ATP8B1: variants seen among roughly 807,000 people sequenced by gnomAD.
ATP8B1 encodes the protein ATPase phospholipid transporting 8B1, also known as phospholipid-transporting ATPase IC.
ATP8B1 carries 80 observed loss-of-function variants against 149.9 expected under a neutral mutation model. That is an observed-to-expected ratio of 0.53 (90% CI 0.45 to 0.64). ATP8B1 has a LOEUF of 0.64. Among genes scored for constraint, ATP8B1 ranks in the 30% least tolerant of loss-of-function variants. ATP8B1 has a pLI of 0.00. For missense variants in ATP8B1, 1,247 were observed against 1,552.6 expected (o/e 0.80, Z 3.31); for synonymous variants, 536 against 562.8 (o/e 0.95, Z 0.67).
chr18:57,782,803 C>CTTTGTTTTTTTTTTTT (rs2080369204), intron 1 of ATP8B1, among the ~76,000 whole-genome samples: 1 of 91,178 alleles, frequency 1.1e-5, no homozygotes, highest in Non-Finnish European at 1.9e-5. Flanking sequence ...TAGTTTGTCT[C>CTTTGTTTTTTTTTTTT]TTTTTTTTTT....
At chr18:57,718,546 A>C (rs1481315420) in intron 2 of ATP8B1, among the ~76,000 whole-genome samples, 1 of 152,224 alleles carries the variant, frequency 6.6e-6, no homozygotes, top group Non-Finnish European at 1.5e-5. Context: ...AGACAAAGAC[A>C]CATCAAAAAA....
At chr18:57,754,579 G>A (rs1393513353) in intron 1 of ATP8B1, among the ~76,000 whole-genome samples, 1 of 152,124 alleles carries the variant, frequency 6.6e-6, no homozygotes, top group African/African-American at 2.4e-5. Flanking sequence ...GAAAGCTCTG[G>A]AATAGGGCTT....
intron 2 of ATP8B1, among the ~76,000 whole-genome samples, chr18:57,707,582 C>T (rs183161769): frequency 5.5e-5 from 8 of 145,758 alleles, no homozygotes; most frequent in African/African-American, 1.0e-4. Context: ...GATCTCGGCT[C>T]ACTGCAACCT....
intron 17 of ATP8B1, among the ~76,000 whole-genome samples, chr18:57,671,166 T>G (rs1243748169): frequency 6.6e-6 from 1 of 152,172 alleles, no homozygotes; most frequent in Non-Finnish European, 1.5e-5. Flanking sequence ...CAACCTAGTA[T>G]GGTTATGTAG....
At position 57,658,054 on chromosome 18, in the gene ATP8B1, T is replaced by C. The variant is rs527654672; in HGVS notation, c.2708-2637A>G. Among the ~76,000 whole-genome samples, 141 of 121,364 alleles carry C rather than the reference T, an allele frequency of 1.2e-3. 1 individual carries two copies. The highest frequency in any genetic ancestry group is 3.7e-3 in the African/African-American group (136 of 37,182). The allele number at this position is 121,364 out of a possible 152,430, so 79.6% of individuals were successfully genotyped here. A position where few individuals can be genotyped will look rare whatever the true frequency, so the allele number is the denominator to read the frequency against. On this transcript the variant is annotated intron_variant, in intron 22 of 27. Coordinates refer to ENST00000648908, the MANE Select transcript of ATP8B1 (RefSeq NM_001374385.1). ...CGCTACAGCAATAATCCCTCTTGCC[T>C]TTTTTTTTTTGAGATGGAGTCTTTT...
At chr18:57,777,664 G>T (rs761837791) in intron 1 of ATP8B1, among the ~76,000 whole-genome samples, 3 of 152,114 alleles carry the variant, frequency 2.0e-5, no homozygotes, top group Non-Finnish European at 4.4e-5. Context: ...CGCCTCCCAG[G>T]CTGAAGTGAT....
intron 15 of ATP8B1, among the ~76,000 whole-genome samples, chr18:57,683,256 T>C (rs980284645): frequency 3.9e-5 from 6 of 152,168 alleles, no homozygotes; most frequent in African/African-American, 1.4e-4. Context: ...GTGGAAGATG[T>C]AGTGAAGTGG....
intron 1 of ATP8B1, among the ~76,000 whole-genome samples, chr18:57,793,716 C>A (rs960974313): frequency 6.6e-6 from 1 of 152,086 alleles, no homozygotes. Context: ...ACTCTTTCCC[C>A]AAAACTTCCT....
chr18:57,733,473 G>A (rs1173576953), intron 1 of ATP8B1, among the ~76,000 whole-genome samples: 1 of 152,122 alleles, frequency 6.6e-6, no homozygotes, highest in Non-Finnish European at 1.5e-5. Context: ...TTGGGAGGCC[G>A]AGGTGGGCGG....
At chr18:57,740,379 C>T (rs1030969707) in intron 1 of ATP8B1, 4 of 151,554 alleles carry the variant, frequency 2.6e-5, no homozygotes, top group African/African-American at 7.3e-5. Flanking sequence ...TTTAACATAT[C>T]GTAATATATA....
intron 22 of ATP8B1, among the ~76,000 whole-genome samples, chr18:57,658,922 A>C (rs1910203636): frequency 6.6e-6 from 1 of 152,152 alleles, no homozygotes; most frequent in South Asian, 2.1e-4. Flanking sequence ...ATAACTTCTA[A>C]GGAGACCCCT....
intron 20 of ATP8B1, among the ~76,000 whole-genome samples, chr18:57,664,857 G>T (rs931573420): frequency 6.6e-6 from 1 of 152,294 alleles, no homozygotes; most frequent in Admixed American, 6.5e-5. Flanking sequence ...CAGTTATCTT[G>T]TAACTTCTGG....
chr18:57,676,239 C>T (rs1911576963), intron 15 of ATP8B1, among the ~76,000 whole-genome samples: 1 of 152,082 alleles, frequency 6.6e-6, no homozygotes, highest in Non-Finnish European at 1.5e-5. Flanking sequence ...CAGCTCACTG[C>T]AGCCTTGATC....
At chr18:57,709,937 C>T (rs1478155782) in intron 2 of ATP8B1, among the ~76,000 whole-genome samples, 1 of 152,080 alleles carries the variant, frequency 6.6e-6, no homozygotes, top group Non-Finnish European at 1.5e-5. Context: ...GCCTCGACCT[C>T]CCAAAGTGCT....
chr18:57,795,261 G>A (rs2080502556), intron 1 of ATP8B1, among the ~76,000 whole-genome samples: 1 of 151,870 alleles, frequency 6.6e-6, no homozygotes, highest in South Asian at 2.1e-4. Context: ...TTATTAGCTG[G>A]GTGTGGTGGT....
chr18:57,715,886 C>G (rs1340910993), intron 2 of ATP8B1, among the ~76,000 whole-genome samples: 1 of 152,128 alleles, frequency 6.6e-6, no homozygotes, highest in Non-Finnish European at 1.5e-5. Context: ...AATAAGAAAT[C>G]ACCTGAAGGC....
intron 1 of ATP8B1, among the ~76,000 whole-genome samples, chr18:57,751,825 C>T (rs1453724359): frequency 1.3e-5 from 2 of 152,088 alleles, no homozygotes; most frequent in Admixed American, 6.6e-5. Context: ...ATGTCTTTAT[C>T]ATTTGTACTT....
At chr18:57,701,494 C>T (rs1276033907) in intron 4 of ATP8B1, among the ~76,000 whole-genome samples, 181 bp from the exon 5 acceptor site, 1 of 152,196 alleles carries the variant, frequency 6.6e-6, no homozygotes, top group African/African-American at 2.4e-5. Context: ...TCTAGTGGTT[C>T]TCTCTAGCTT....
chr18:57,680,277 C>CAAAAAAAAAAA lies in ATP8B1; in HGVS notation c.1630+3748_1630+3758dup, dbSNP rs71171066. ...GGGCAACAGGAGCGAGACTCAGTCT[C>CAAAAAAAAAAA]AAAAAAAAAAAAAAAAAAAAAAAAA... On this transcript the variant is annotated intron_variant, in intron 15 of 27. Transcript: ENST00000648908. Among the ~76,000 whole-genome samples, 29 of 40,452 alleles carry CAAAAAAAAAAA rather than the reference C, an allele frequency of 7.2e-4. 1 individual carries two copies. Among genetic ancestry groups the CAAAAAAAAAAA allele is most frequent in the East Asian group, 4.0e-3 (3 of 758 alleles). 26.5% of individuals were successfully genotyped at this position (40,452 alleles called of 152,430 possible). A position where few individuals can be genotyped will look rare whatever the true frequency, so the allele number is the denominator to read the frequency against.
Sources: gnomAD v4.1 joint callset for allele counts (sites outside exome capture counted in the v4.1 genomes callset) on GRCh38, gnomAD v4.1.1 for gene constraint, MANE v1.5 for transcripts, NCBI Gene and HGNC (gene_info 2026-07-23, HGNC 2026-07-21) for gene names.